ATP1A3: variants seen among roughly 807,000 people sequenced by gnomAD.
The protein encoded by ATP1A3 is ATPase Na+/K+ transporting subunit alpha 3.
ATP1A3 carries 12 observed loss-of-function variants against 108.8 expected under a neutral mutation model. The observed-to-expected ratio is 0.11, with a 90% confidence interval of 0.07 to 0.18. The LOEUF is 0.18. Among genes scored for constraint, ATP1A3 ranks in the 10% least tolerant of loss-of-function variants. ATP1A3 has a pLI of 1.00. For synonymous variants in ATP1A3, 539 were observed against 564.5 expected, an observed-to-expected ratio of 0.95 and a Z score of 0.64; for missense variants, 498 against 1,387.7, an observed-to-expected ratio of 0.36 and a Z score of 10.19.
intron 1 of ATP1A3, among the ~76,000 whole-genome samples, chr19:41,992,460 G>A (rs566594940): frequency 3.9e-5 from 6 of 152,200 alleles, no homozygotes; most frequent in South Asian, 2.1e-4. Context: ...GCCAGCTCCC[G>A]CAGCCTCTGC....
intron 16 of ATP1A3, among the ~76,000 whole-genome samples, chr19:41,972,216 C>A (rs534222604): frequency 6.6e-6 from 1 of 152,074 alleles, no homozygotes; most frequent in African/African-American, 2.4e-5. Context: ...TGCCATTGCA[C>A]TCCAGCCTGG....
intron 14 of ATP1A3, 146 bp downstream of exon 14, chr19:41,977,790 G>C: frequency 8.3e-7 from 1 of 1,211,232 alleles, no homozygotes; most frequent in Non-Finnish European, 1.1e-6. Context: ...CCACACCGGA[G>C]GGAGGGCCAG....
Position 41,981,641 on chromosome 19 carries a change from A to C in ATP1A3, c.1303-5T>G, listed in dbSNP as rs782123500. The stretch of plus-strand genomic sequence containing the variant: ...CGCATCCCCAGCCACATCCCTCTGC[A>C]AGGAGAAAGGGTTGTCAGAACAGGG... On this transcript the variant is annotated splice_region_variant and splice_polypyrimidine_tract_variant and intron_variant, in intron 10 of 22. Coordinates refer to ENST00000648268, the MANE Select transcript of ATP1A3 (RefSeq NM_152296.5). This position sits in a 1 kb window ranked among gnomAD's most constrained non-coding sequence, Gnocchi z 5.0. 6.2e-7 allele frequency: 1 copy of C among 1,614,164 alleles called. No homozygotes were observed. The highest frequency in any genetic ancestry group is 8.5e-7 in the Non-Finnish European group (1 of 1,180,016).
intron 1 of ATP1A3, among the ~76,000 whole-genome samples, chr19:41,989,297 A>G (rs1033563754): frequency 2.8e-4 from 41 of 147,394 alleles, no homozygotes; most frequent in African/African-American, 9.5e-4. Flanking sequence ...GGCCCTGTCC[A>G]ACCTTCCTAC....
rs1555865016 is a variant in ATP1A3, at chr19:41,985,349, C to T, written c.681G>A (p.Leu227=). The part of the protein sequence containing the change: ...RSPDCTHDNP[L]ETRNITFFST... ...AAAAGAAGGTGATGTTCCGAGTCTCCAAGGGGTTGTCGTGAGTGCAGTCGG... is the reference window on the plus strand; with the variant it reads ...AAAAGAAGGTGATGTTCCGAGTCTCTAAGGGGTTGTCGTGAGTGCAGTCGG... The change falls in exon 7 of 23, where the codon TTG becomes TTA. Residue 227 remains leucine, a synonymous_variant. Transcript: ENST00000648268. The surrounding 1 kb of genome is among the most constrained non-coding windows in gnomAD (Gnocchi z 8.2). 1 of 1,614,190 alleles carries T rather than the reference C, an allele frequency of 6.2e-7. No individual in the cohort carries two copies.
At chr19:41,975,885 C>G (rs1555860927) in intron 15 of ATP1A3, 88 bp from the exon 16 acceptor site, 3 of 1,564,670 alleles carry the variant, frequency 1.9e-6, no homozygotes, top group Non-Finnish European at 1.8e-6. Flanking sequence ...CCCCAGCCCC[C>G]TCCTCCTTCA....
At position 41,975,814 on chromosome 19, in the gene ATP1A3, T is replaced by G. The variant is rs951038021; in HGVS notation, c.2095-17A>C. ...AATTGCACCCTGGAGGGAGAGAGGGTAAGGATGACACCCAGAGGCCAGTCC... is the reference window on the plus strand; with the variant it reads ...AATTGCACCCTGGAGGGAGAGAGGGGAAGGATGACACCCAGAGGCCAGTCC... On this transcript the variant is annotated splice_polypyrimidine_tract_variant and intron_variant, in intron 15 of 22. Coordinates refer to ENST00000648268, the MANE Select transcript of ATP1A3 (RefSeq NM_152296.5). The G allele has an allele frequency of 6.2e-7, 1 of 1,613,208 alleles. No individual in the cohort carries two copies. Among genetic ancestry groups the G allele is most frequent in the African/African-American group, 1.3e-5 (1 of 74,780 alleles).
chr19:41,982,309 T>C (rs73051441), intron 8 of ATP1A3, among the ~76,000 whole-genome samples: 3,432 of 152,216 alleles, frequency 0.023, 54 homozygotes, highest in Non-Finnish European at 0.037. Context: ...GGGACTAGAA[T>C]GCTCATAGCA....
chr19:41,988,500 A>T lies in ATP1A3; in HGVS notation c.69T>A (p.Asp23Glu). 1 of 1,614,188 alleles carries T rather than the reference A, an allele frequency of 6.2e-7. No homozygotes were observed. The highest frequency in any genetic ancestry group is 8.5e-7 in the Non-Finnish European group (1 of 1,180,036). The stretch of plus-strand genomic sequence containing the variant: ...CCATAGCCACCTCCTTCTTGAGGTC[A>T]TCCAGGTCCCGGCGCTCCTTGCCCT... ...KNKGKERRDL[D>E]DLKKEVAMTE... The change falls in exon 2 of 23, where the codon GAT becomes GAA. Residue 23 changes from aspartate to glutamate, a missense_variant. Around this residue, in one of 9 missense-constraint regions of ATP1A3, gnomAD observed 41 missense variants for 59.7 expected, o/e 0.69. Transcript: ENST00000648268. This position sits in a 1 kb window ranked among gnomAD's most constrained non-coding sequence, Gnocchi z 5.3.
At position 41,967,591 on chromosome 19, in the gene ATP1A3, A is replaced by G; in HGVS notation, c.2921+71T>C. Reference sequence around the variant, plus strand: ...CCAGGGGAGGTGGGGCCTGAGGTTCAGGCTGAGTCTAAGGGAAGGCTCCAT... The same window carrying G: ...CCAGGGGAGGTGGGGCCTGAGGTTCGGGCTGAGTCTAAGGGAAGGCTCCAT... On this transcript the variant is annotated intron_variant, in intron 21 of 22. Coordinates refer to ENST00000648268, the MANE Select transcript of ATP1A3 (RefSeq NM_152296.5). This position sits in a 1 kb window ranked among gnomAD's most constrained non-coding sequence, Gnocchi z 4.2. 1 of 1,523,198 alleles carries G rather than the reference A, an allele frequency of 6.6e-7. No homozygotes were observed. Among genetic ancestry groups the G allele is most frequent in the Non-Finnish European group, 9.0e-7 (1 of 1,107,914 alleles). 94.4% of individuals were successfully genotyped at this position (1,523,198 alleles called of 1,614,324 possible). A position where few individuals can be genotyped will look rare whatever the true frequency, so the allele number is the denominator to read the frequency against.
chr19:41,975,612 AC>A lies in ATP1A3; in HGVS notation c.2263+16del. The A allele has an allele frequency of 6.2e-7, 1 of 1,613,366 alleles. No individual in the cohort carries two copies. Among genetic ancestry groups the A allele is most frequent in the Non-Finnish European group, 8.5e-7 (1 of 1,179,818 alleles). On this transcript the variant is annotated intron_variant, in intron 16 of 22. Coordinates refer to ENST00000648268, the MANE Select transcript of ATP1A3 (RefSeq NM_152296.5). ...GGTAGTGACCCTGGTCTCCAGGGCC[AC>A]CCCTGGCCAACTCACCCTCCTCCAC...
At chr19:41,982,533 C>G (rs576795817) in intron 8 of ATP1A3, among the ~76,000 whole-genome samples, 3 of 151,662 alleles carry the variant, frequency 2.0e-5, no homozygotes, top group Non-Finnish European at 4.4e-5. Context: ...AGCTGAGGCA[C>G]GAGAACCCCT....
Position 41,968,808 on chromosome 19 carries a change from G to A in ATP1A3, c.2796C>T (p.Asn932=), listed in dbSNP as rs1555859146. ...ADLIICKTRR[N]SVFQQGMKNK... is the part of the protein sequence containing the mutation. ...ACTTCATGCCCTGCTGGAAGACCGA[G>A]TTCCTCCGGGTCTTGCAGATGATCA... Residue 932 remains asparagine, a synonymous_variant, in exon 20 of 23, where the codon AAC becomes AAT. Transcript: ENST00000648268. This position sits in a 1 kb window ranked among gnomAD's most constrained non-coding sequence, Gnocchi z 5.0. 3 of 1,614,026 alleles carry A rather than the reference G, an allele frequency of 1.9e-6. No homozygotes were observed. The highest frequency in any genetic ancestry group is 1.3e-5 in the African/African-American group (1 of 74,938).
chr19:41,985,444 G>GA lies in ATP1A3; in HGVS notation c.607-22dup. 1 of 1,603,596 alleles carries GA rather than the reference G, an allele frequency of 6.2e-7. No homozygotes were observed. Among genetic ancestry groups the GA allele is most frequent in the Non-Finnish European group, 8.5e-7 (1 of 1,170,400 alleles). On this transcript the variant is annotated intron_variant, in intron 6 of 22. Transcript: ENST00000648268. This position sits in a 1 kb window ranked among gnomAD's most constrained non-coding sequence, Gnocchi z 8.2. The stretch of plus-strand genomic sequence containing the variant: ...TCCACCTGGGGGTAGGTGCAGCAGA[G>GA]AGAGGGTTCAGTCCAGGGCCTGGGA...
rs144560105 is a variant in ATP1A3 at position 41,989,341 on chromosome 19, C to T, written c.7-779G>A. On this transcript the variant is annotated intron_variant, in intron 1 of 22. Coordinates refer to ENST00000648268, the MANE Select transcript of ATP1A3 (RefSeq NM_152296.5). ...CTTTTTTTTTTTTTTTTTTTTGAGA[C>T]GGAGTCTCGCTTAGTCGCCTAGGCT... Among the ~76,000 whole-genome samples, 240 of 134,724 alleles carry T rather than the reference C, an allele frequency of 1.8e-3. 1 individual carries two copies. The highest frequency in any genetic ancestry group is 6.7e-3 in the South Asian group (27 of 4,028). The allele number at this position is 134,724 out of a possible 152,430, so 88.4% of individuals were successfully genotyped here.
chr19:41,993,348 A>G, intron 1 of ATP1A3: 3 of 1,523,722 alleles, frequency 2.0e-6, no homozygotes, highest in Non-Finnish European at 2.6e-6. Context: ...TCCCCACTAC[A>G]CAGTTGCACA....
chr19:41,970,606 C>G, intron 16 of ATP1A3, 64 bp from the exon 17 acceptor site: 4 of 1,559,192 alleles, frequency 2.6e-6, no homozygotes, highest in Non-Finnish European at 3.5e-6. Context: ...TCTGCCCCTC[C>G]TCTGCCCTCA....
chr19:41,979,483 T>G (rs1287870650), intron 11 of ATP1A3, among the ~76,000 whole-genome samples: 1 of 152,028 alleles, frequency 6.6e-6, no homozygotes, highest in Non-Finnish European at 1.5e-5. Flanking sequence ...CCTGGCTAAT[T>G]TTTTATAGAG....
At position 41,969,299 on chromosome 19, in the gene ATP1A3, C is replaced by T. The variant is rs367549977; in HGVS notation, c.2688+136G>A. ...CTGGGCCAAGGGCATCCAGGAAGCC[C>T]CAGGTGCCCAGCAAAGGCCTTGATG... On this transcript the variant is annotated intron_variant, in intron 19 of 22. Coordinates refer to ENST00000648268, the MANE Select transcript of ATP1A3 (RefSeq NM_152296.5). The T allele has an allele frequency of 1.6e-4, 237 of 1,460,998 alleles. 3 individuals are homozygous for T. In the East Asian group the frequency reaches 3.2e-3, roughly 20 times the overall value. The allele number at this position is 1,460,998 out of a possible 1,614,324, so 90.5% of individuals were successfully genotyped here. A position where few individuals can be genotyped will look rare whatever the true frequency, so the allele number is the denominator to read the frequency against.
Sources: allele counts gnomAD v4.1 joint callset (sites outside exome capture counted in the v4.1 genomes callset), GRCh38; gene constraint gnomAD v4.1.1; regional missense constraint gnomAD v4.1.1; non-coding constraint Gnocchi (gnomAD v3.1); transcripts MANE v1.5; gene names NCBI Gene and HGNC (gene_info 2026-07-23, HGNC 2026-07-21).